IL6R: variants seen among roughly 807,000 people sequenced by gnomAD.
IL6R encodes the protein interleukin 6 receptor.
IL6R carries 38 observed loss-of-function variants against 48.3 expected under a neutral mutation model. The observed-to-expected ratio is 0.79, with a 90% confidence interval of 0.61 to 1.03. The LOEUF (loss-of-function observed/expected upper bound fraction) is 1.03. Among genes scored for constraint, IL6R ranks in the 50% least tolerant of loss-of-function variants. IL6R has a pLI of 0.00. For synonymous variants in IL6R, 264 were observed against 256.2 expected (o/e 1.03, Z -0.29); for missense variants, 534 against 618.3 (o/e 0.86, Z 1.45).
Position 154,405,530 on chromosome 1 carries a change from C to A in IL6R, c.-100C>A. 4.2e-5 allele frequency: 5 copies of A among 117,826 alleles called. No individual in the cohort carries two copies. Among genetic ancestry groups the A allele is most frequent in the South Asian group, 1.6e-4 (1 of 6,438 alleles). The allele number at this position is 117,826 out of a possible 1,614,324, so 7.3% of individuals were successfully genotyped here. ...TGCCCCCGGGGCCTGAGCCCGCCTGCCCGCCCACCGCCCCGCCCCGCCCCT... is the reference window on the plus strand; with the variant it reads ...TGCCCCCGGGGCCTGAGCCCGCCTGACCGCCCACCGCCCCGCCCCGCCCCT... On this transcript the variant is annotated 5_prime_UTR_variant, in exon 1 of 10. Transcript: ENST00000368485. The surrounding 1 kb of genome is among the most constrained non-coding windows in gnomAD (Gnocchi z 5.2).
intron 1 of IL6R, chr1:154,414,711 G>A (rs1020088394): frequency 2.4e-6 from 2 of 837,526 alleles, no homozygotes; most frequent in Non-Finnish European, 4.1e-6. Context: ...CCTCCATTAG[G>A]TATTGCTCCA....
chr1:154,430,787 T>C (rs927501756), intron 3 of IL6R, among the ~76,000 whole-genome samples, 181 bp downstream of exon 3: 1 of 152,216 alleles, frequency 6.6e-6, no homozygotes, highest in African/African-American at 2.4e-5. Flanking sequence ...AGCTAGGCAC[T>C]GTGCTTGTGC....
intron 7 of IL6R, among the ~76,000 whole-genome samples, chr1:154,448,725 C>A (rs1690414706): frequency 6.6e-6 from 1 of 152,038 alleles, no homozygotes; most frequent in South Asian, 2.1e-4. Flanking sequence ...CAGGTGAAGC[C>A]CATACCCATG....
chr1:154,438,203 T>C (rs2149248704), intron 6 of IL6R, among the ~76,000 whole-genome samples: 1 of 150,074 alleles, frequency 6.7e-6, no homozygotes, highest in Non-Finnish European at 1.5e-5. Flanking sequence ...ACAACAAGCT[T>C]ATATGGCTTT....
rs568430805 is a variant in IL6R, at chr1:154,410,154, C to T, written c.85+4440C>T. ...CCTCAGCCCTTTAGCTCCTTGAAGT[C>T]TAGCAGAGGGAAGTGCTAAATGCCA... On this transcript the variant is annotated intron_variant, in intron 1 of 9. Coordinates refer to ENST00000368485, the MANE Select transcript of IL6R (RefSeq NM_000565.4). Among the ~76,000 whole-genome samples the T allele has an allele frequency of 5.3e-5, 8 of 152,170 alleles. No homozygotes were observed. The South Asian group carries it at 8.3e-4, about 16-fold the overall frequency.
At chr1:154,417,331 A>G (rs1042315025) in intron 1 of IL6R, among the ~76,000 whole-genome samples, 1 of 152,182 alleles carries the variant, frequency 6.6e-6, no homozygotes, top group Non-Finnish European at 1.5e-5. Flanking sequence ...CAAAATGAGC[A>G]GGTTGGCCTG....
chr1:154,457,200 G>A (rs1253937577), intron 9 of IL6R, among the ~76,000 whole-genome samples: 1 of 151,608 alleles, frequency 6.6e-6, no homozygotes, highest in African/African-American at 2.4e-5. Context: ...GCACATGCCT[G>A]TAATCTCAGC....
chr1:154,445,809 A>G (rs1260027321), intron 6 of IL6R, among the ~76,000 whole-genome samples: 2 of 151,820 alleles, frequency 1.3e-5, no homozygotes, highest in Non-Finnish European at 2.9e-5. Flanking sequence ...GCAACAAGCA[A>G]GGTGGAGCCT....
At chr1:154,429,154 TC>T (rs1457833555) in intron 1 of IL6R, 41 bp from the exon 2 acceptor site, 2 of 1,584,660 alleles carry the variant, frequency 1.3e-6, no homozygotes, top group Non-Finnish European at 1.7e-6. Context: ...GCCCCCTTCT[TC>T]AGTGGCTGTG....
intron 1 of IL6R, among the ~76,000 whole-genome samples, chr1:154,409,708 G>T (rs2149203282): frequency 6.6e-6 from 1 of 152,250 alleles, no homozygotes; most frequent in Non-Finnish European, 1.5e-5. Context: ...CTAAGAGCTG[G>T]AGATACACCA....
At chr1:154,438,166 C>T (rs1442028135) in intron 6 of IL6R, among the ~76,000 whole-genome samples, 1 of 151,992 alleles carries the variant, frequency 6.6e-6, no homozygotes, top group Admixed American at 6.6e-5. Flanking sequence ...TTTCTAGTTC[C>T]TCTGTTGGTG....
intron 9 of IL6R, among the ~76,000 whole-genome samples, chr1:154,457,535 T>C (rs1233572702): frequency 1.3e-5 from 2 of 152,162 alleles, no homozygotes; most frequent in African/African-American, 4.8e-5. Context: ...AGTTGCACCC[T>C]GGCTGCTGTC....
chr1:154,465,545 G>A lies in IL6R; in HGVS notation c.*165G>A. ...TTCTACGCCAGGGGAAAATCAGCCT[G>A]CTCCAGCTGTTCAGCTGGTTGAGGT... On this transcript the variant is annotated 3_prime_UTR_variant, in exon 10 of 10. Transcript: ENST00000368485. The A allele has an allele frequency of 1.4e-6, 1 of 722,748 alleles. No individual in the cohort carries two copies. The allele number at this position is 722,748 out of a possible 1,614,324, so 44.8% of individuals were successfully genotyped here. A position where few individuals can be genotyped will look rare whatever the true frequency, so the allele number is the denominator to read the frequency against.
intron 1 of IL6R, among the ~76,000 whole-genome samples, chr1:154,419,757 G>A (rs1022346492): frequency 2.6e-5 from 4 of 152,254 alleles, no homozygotes; most frequent in African/African-American, 9.6e-5. Flanking sequence ...GCGGCAAGCT[G>A]CAAGAGAGTT....
chr1:154,450,102 T>TTGTGTGTGTGTG (rs762323280), intron 8 of IL6R, 122 bp downstream of exon 8: 6 of 463,482 alleles, frequency 1.3e-5, no homozygotes, highest in South Asian at 5.5e-5. Flanking sequence ...CGCAGAAATG[T>TTGTGTGTGTGTG]TCTGTGTGTG....
intron 1 of IL6R, among the ~76,000 whole-genome samples, chr1:154,419,810 G>A (rs1184600808): frequency 6.6e-6 from 1 of 152,196 alleles, no homozygotes; most frequent in Non-Finnish European, 1.5e-5. Flanking sequence ...TCTGGTTATT[G>A]ACATTTGCAA....
chr1:154,429,480 C>T (rs748064464), intron 2 of IL6R, 36 bp downstream of exon 2: 5 of 1,584,634 alleles, frequency 3.2e-6, no homozygotes, highest in East Asian at 2.3e-5. Context: ...AGATAGTTCC[C>T]GTAAGAAATG....
chr1:154,425,913 CT>C (rs1688937164), intron 1 of IL6R, among the ~76,000 whole-genome samples: 2 of 151,834 alleles, frequency 1.3e-5, no homozygotes, highest in African/African-American at 4.8e-5. Context: ...GAACTTGTCT[CT>C]AGTAAAAATT....
intron 1 of IL6R, chr1:154,414,290 C>A (rs1688206087): frequency 1.5e-6 from 1 of 653,186 alleles, no homozygotes; most frequent in Non-Finnish European, 2.5e-6. Context: ...GTCAATCCAC[C>A]TTTATTGGAG....
Sources: gnomAD v4.1 joint callset for allele counts (sites outside exome capture counted in the v4.1 genomes callset) on GRCh38, gnomAD v4.1.1 for gene constraint, Gnocchi (gnomAD v3.1) non-coding constraint, MANE v1.5 for transcripts, NCBI Gene and HGNC (gene_info 2026-07-23, HGNC 2026-07-21) for gene names.